Variants in PCDH9 observed in about 807,000 individuals in gnomAD.
PCDH9 encodes protocadherin 9, also known as protocadherin-9.
In PCDH9, 24 loss-of-function variants were observed where a neutral mutation model predicts 70.6. The ratio of observed to expected loss-of-function variants is 0.34; its 90% CI spans 0.25 to 0.48. PCDH9 has a LOEUF of 0.48. Ranked by LOEUF, PCDH9 falls within the 20% of genes least tolerant of loss-of-function variation. The probability of loss-of-function intolerance (pLI) is 0.99; values close to 1 mark genes in which losing one functional copy is unlikely to be tolerated. For missense variants in PCDH9, 1,281 were observed against 1,503.6 expected (o/e 0.85, Z 2.45); for synonymous variants, 562 against 558.5 (o/e 1.01, Z -0.09).
chr13:66,571,184 T>C (rs2076728287), intron 4 of PCDH9, among the ~76,000 whole-genome samples: 1 of 152,074 alleles, frequency 6.6e-6, no homozygotes, highest in Non-Finnish European at 1.5e-5. Flanking sequence ...TATTGTTACA[T>C]GGTAAGTTAT....
At chr13:66,470,892 C>T (rs1008712471) in intron 4 of PCDH9, among the ~76,000 whole-genome samples, 5 of 151,074 alleles carry the variant, frequency 3.3e-5, no homozygotes, top group South Asian at 4.2e-4. Flanking sequence ...TATAGAAGAT[C>T]TGATCAGTAG....
chr13:66,876,374 T>A (rs1305382210), intron 3 of PCDH9, among the ~76,000 whole-genome samples: 1 of 151,600 alleles, frequency 6.6e-6, no homozygotes, highest in Non-Finnish European at 1.5e-5. Context: ...TAACAAATAA[T>A]CTTGAATTAG....
intron 2 of PCDH9, chr13:67,201,626 T>A (rs1258612795): frequency 6.6e-6 from 1 of 152,036 alleles, no homozygotes. Flanking sequence ...ACCTAGTTCT[T>A]GAGCCAATTT....
At chr13:66,410,710 T>C (rs1172807710) in intron 4 of PCDH9, among the ~76,000 whole-genome samples, 2 of 152,162 alleles carry the variant, frequency 1.3e-5, no homozygotes, top group African/African-American at 2.4e-5. Flanking sequence ...TTAGGAAACT[T>C]TGGAAGAGAT....
chr13:66,434,533 T>C (rs1336053208), intron 4 of PCDH9, among the ~76,000 whole-genome samples: 1 of 152,008 alleles, frequency 6.6e-6, no homozygotes, highest in Non-Finnish European at 1.5e-5. Flanking sequence ...ATTAGTAGAA[T>C]GCAGTGTTTG....
chr13:67,052,825 T>C (rs187799805), intron 2 of PCDH9, among the ~76,000 whole-genome samples: 1 of 152,086 alleles, frequency 6.6e-6, no homozygotes, highest in East Asian at 1.9e-4. Context: ...AGGTTTCTAG[T>C]TGGAGGAGGT....
At chr13:66,323,405 T>C (rs1305797150) in intron 4 of PCDH9, 1 of 151,884 alleles carries the variant, frequency 6.6e-6, no homozygotes, top group Non-Finnish European at 1.5e-5. Context: ...GAAGAAAGAG[T>C]AAGTCGTTTA....
intron 4 of PCDH9, among the ~76,000 whole-genome samples, chr13:66,350,250 C>T (rs1186914152): frequency 6.6e-6 from 1 of 152,190 alleles, no homozygotes; most frequent in Non-Finnish European, 1.5e-5. Flanking sequence ...TTCTGACTCC[C>T]CAGTGCTTAG....
rs190737686 is a variant in PCDH9, at chr13:66,452,384, C to G, written c.3341-147356G>C. On this transcript the variant is annotated intron_variant, in intron 4 of 4. Transcript: ENST00000377865. The stretch of plus-strand genomic sequence containing the variant: ...ACTCTATTTTGCCAAGTTTTAAACT[C>G]TGCCAACATTTTAGCATTTTCCCCA... 1.2e-3 allele frequency among the ~76,000 whole-genome samples: 183 copies of G among 152,270 alleles called. 1 individual carries two copies. Among genetic ancestry groups the G allele is most frequent in the African/African-American group, 4.2e-3 (175 of 41,568 alleles).
intron 3 of PCDH9, among the ~76,000 whole-genome samples, chr13:66,822,700 A>G (rs1467457390): frequency 2.0e-5 from 3 of 151,746 alleles, no homozygotes; most frequent in Admixed American, 1.3e-4. Flanking sequence ...TAATTTTTGT[A>G]TTTTTAGTAG....
At chr13:66,682,366 ATCTATCTATCTAT>A (rs2078337584) in intron 3 of PCDH9, among the ~76,000 whole-genome samples, 1 of 48,524 alleles carries the variant, frequency 2.1e-5, no homozygotes, top group African/African-American at 8.5e-5. Context: ...CTATCTATCT[ATCTATCTATCTAT>A]CTATCTATCT....
intron 2 of PCDH9, among the ~76,000 whole-genome samples, chr13:67,066,575 A>C (rs764091340): frequency 1.6e-4 from 24 of 152,150 alleles, no homozygotes; most frequent in Non-Finnish European, 3.1e-4. Flanking sequence ...TAGAGAATGC[A>C]TGGTTCAATT....
chr13:66,914,665 T>G (rs147950293), intron 2 of PCDH9, among the ~76,000 whole-genome samples: 5 of 152,014 alleles, frequency 3.3e-5, no homozygotes, highest in Admixed American at 1.3e-4. Flanking sequence ...GTAACTTTTA[T>G]GAAGATTCTC....
chr13:66,406,405 C>T (rs1348136896), intron 4 of PCDH9, among the ~76,000 whole-genome samples: 2 of 152,284 alleles, frequency 1.3e-5, no homozygotes, highest in Admixed American at 1.3e-4. Context: ...AAAAACTGCT[C>T]CTGTTACTAC....
At chr13:66,373,974 C>A (rs1335011671) in intron 4 of PCDH9, among the ~76,000 whole-genome samples, 1 of 152,030 alleles carries the variant, frequency 6.6e-6, no homozygotes, top group Non-Finnish European at 1.5e-5. Flanking sequence ...GTTTTGCGTA[C>A]AAGAAAGGCA....
intron 4 of PCDH9, among the ~76,000 whole-genome samples, chr13:66,501,365 A>G (rs972612351): frequency 6.6e-6 from 1 of 152,134 alleles, no homozygotes; most frequent in South Asian, 2.1e-4. Flanking sequence ...CATGTTGTGA[A>G]TCATCATTAA....
chr13:66,871,396 A>G, intron 3 of PCDH9, among the ~76,000 whole-genome samples: 1 of 143,618 alleles, frequency 7.0e-6, no homozygotes, highest in East Asian at 2.0e-4. Flanking sequence ...AATAATAATA[A>G]AAAATAAAAA....
chr13:66,921,862 T>C (rs1001681321), intron 2 of PCDH9, among the ~76,000 whole-genome samples: 1 of 151,424 alleles, frequency 6.6e-6, no homozygotes, highest in African/African-American at 2.4e-5. Flanking sequence ...AACAGTCATT[T>C]AAACTGTCCT....
Position 67,076,406 on chromosome 13 carries a change from T to A in PCDH9, c.3036+148999A>T, listed in dbSNP as rs530899707. ...TTAATTGGTAAATCAAATAGCTGTATAATAAAGCCGAAGAAGAAGTTTCAT... is the reference window on the plus strand; with the variant it reads ...TTAATTGGTAAATCAAATAGCTGTAAAATAAAGCCGAAGAAGAAGTTTCAT... On this transcript the variant is annotated intron_variant, in intron 2 of 4. Transcript: ENST00000377865. 5.3e-5 allele frequency among the ~76,000 whole-genome samples: 8 copies of A among 152,298 alleles called. No homozygotes were observed. The East Asian group carries it at 1.4e-3, about 26-fold the overall frequency.
Sources: allele counts gnomAD v4.1 joint callset (sites outside exome capture counted in the v4.1 genomes callset), GRCh38; gene constraint gnomAD v4.1.1; transcripts MANE v1.5; gene names NCBI Gene and HGNC (gene_info 2026-07-23, HGNC 2026-07-21).